Variants in CLVS1 observed in about 807,000 individuals in gnomAD.
CLVS1 encodes the protein clavesin 1.
A neutral mutation model predicts 33.1 loss-of-function variants in CLVS1; 10 were observed. The ratio of observed to expected loss-of-function variants is 0.30; its 90% CI spans 0.19 to 0.51. The LOEUF is 0.51. CLVS1 is among the 20% of genes least tolerant of loss of function. The probability of loss-of-function intolerance (pLI) is 0.97; values close to 1 mark genes in which losing one functional copy is unlikely to be tolerated. For synonymous variants in CLVS1, 163 were observed against 166.1 expected (o/e 0.98, Z 0.14); for missense variants, 343 against 433.4 (o/e 0.79, Z 1.85).
At chr8:61,296,482 T>C (rs947843242) in intron 1 of CLVS1, among the ~76,000 whole-genome samples, 2 of 152,216 alleles carry the variant, frequency 1.3e-5, no homozygotes, top group African/African-American at 4.8e-5. Context: ...GAATAAGTCA[T>C]GCCTGTGCCT....
intron 1 of CLVS1, among the ~76,000 whole-genome samples, chr8:61,086,100 G>A (rs577792422): frequency 7.4e-6 from 1 of 134,364 alleles, no homozygotes; most frequent in Admixed American, 8.1e-5. Flanking sequence ...GGTGGTGTGT[G>A]ACTGTAATCC....
At chr8:61,440,244 A>G (rs1365132123) in intron 3 of CLVS1, among the ~76,000 whole-genome samples, 1 of 152,252 alleles carries the variant, frequency 6.6e-6, no homozygotes, top group Non-Finnish European at 1.5e-5. Context: ...ATATAATAAT[A>G]GAACCTCTAT....
intron 2 of CLVS1, among the ~76,000 whole-genome samples, chr8:61,156,706 G>C (rs759378303): frequency 1.2e-4 from 18 of 152,128 alleles, no homozygotes; most frequent in Non-Finnish European, 2.4e-4. Flanking sequence ...AGTTATATCT[G>C]CCATGGGTTT....
chr8:61,293,541 T>A (rs919519845), intron 1 of CLVS1, among the ~76,000 whole-genome samples: 8 of 152,138 alleles, frequency 5.3e-5, no homozygotes, highest in African/African-American at 1.9e-4. Context: ...TCAAATAGAG[T>A]TACACTTAAA....
At chr8:61,387,406 A>AAAACAC (rs1320222723) in intron 3 of CLVS1, among the ~76,000 whole-genome samples, 1 of 151,968 alleles carries the variant, frequency 6.6e-6, no homozygotes, top group Non-Finnish European at 1.5e-5. Flanking sequence ...AACAAAAACA[A>AAAACAC]AAAAACCCAA....
intron 5 of CLVS1, among the ~76,000 whole-genome samples, chr8:61,474,061 C>G (rs561318088): frequency 1.3e-5 from 2 of 152,208 alleles, no homozygotes; most frequent in African/African-American, 4.8e-5. Context: ...GGAGAACTCT[C>G]AGAGAGAGCT....
intron 2 of CLVS1, among the ~76,000 whole-genome samples, chr8:61,368,708 G>T (rs1813312250): frequency 6.6e-6 from 1 of 152,178 alleles, no homozygotes; most frequent in African/African-American, 2.4e-5. Flanking sequence ...TAATGTAGCT[G>T]GCTCCCTGTC....
At chr8:61,492,243 G>T (rs970530457) in intron 5 of CLVS1, among the ~76,000 whole-genome samples, 2 of 152,170 alleles carry the variant, frequency 1.3e-5, no homozygotes, top group African/African-American at 2.4e-5. Context: ...AGAGAAACAG[G>T]TGAAATTAAT....
chr8:61,191,323 C>T (rs1316240022), intron 2 of CLVS1, among the ~76,000 whole-genome samples: 2 of 152,188 alleles, frequency 1.3e-5, no homozygotes, highest in African/African-American at 4.8e-5. Context: ...CAAAATTCAA[C>T]AGCGCTTCAT....
chr8:61,270,687 T>G (rs1470694625), intron 2 of CLVS1, among the ~76,000 whole-genome samples: 2 of 152,200 alleles, frequency 1.3e-5, no homozygotes, highest in Non-Finnish European at 2.9e-5. Flanking sequence ...TGCCATAATT[T>G]CAGATCCTGT....
chr8:61,336,358 C>T (rs1385403378), intron 2 of CLVS1, among the ~76,000 whole-genome samples: 2 of 152,184 alleles, frequency 1.3e-5, no homozygotes, highest in Admixed American at 6.5e-5. Flanking sequence ...CAAATGTCTT[C>T]TTCCAAATAT....
chr8:61,217,503 C>T (rs894205820), intron 2 of CLVS1, among the ~76,000 whole-genome samples: 1 of 152,110 alleles, frequency 6.6e-6, no homozygotes, highest in Non-Finnish European at 1.5e-5. Flanking sequence ...AATATATTAA[C>T]CTCATGGTTC....
the CLVS1 span, among the ~76,000 whole-genome samples, chr8:61,004,669 G>A: frequency 6.6e-6 from 1 of 152,350 alleles, no homozygotes; most frequent in East Asian, 1.9e-4. Flanking sequence ...ACAGGAAGCT[G>A]GCGACAGGGT....
At chr8:61,447,984 T>G (rs566729742) in intron 3 of CLVS1, among the ~76,000 whole-genome samples, 1 of 152,250 alleles carries the variant, frequency 6.6e-6, no homozygotes, top group East Asian at 1.9e-4. Context: ...CCTGAGAATT[T>G]CTTGATTTCT....
In CLVS1 at chr8:61,093,201, G is replaced by A. The variant is rs561102769; in HGVS notation, c.-243+35971G>A. ...TCTTTATGATGTATACCAATATAAT[G>A]GAAAAAGGACTGACTCAATCAAAAT... is the stretch of plus-strand genomic sequence containing the variant. On this transcript the variant is annotated intron_variant, in intron 1 of 2. Coordinates refer to the CLVS1 transcript ENST00000522621. Among the ~76,000 whole-genome samples the A allele has an allele frequency of 2.6e-5, 4 of 152,104 alleles. No homozygotes were observed. The South Asian group carries it at 6.2e-4, about 24-fold the overall frequency.
chr8:61,054,488 G>C (rs956577353), upstream of CLVS1, among the ~76,000 whole-genome samples: 18 of 152,208 alleles, frequency 1.2e-4, 1 homozygote, highest in Admixed American at 1.2e-3. Context: ...ACCAGGGTAG[G>C]GGAAGCGGTT....
intron 2 of CLVS1, among the ~76,000 whole-genome samples, chr8:61,250,698 T>C (rs1007060729): frequency 6.6e-6 from 1 of 152,228 alleles, no homozygotes; most frequent in Non-Finnish European, 1.5e-5. Flanking sequence ...GGGAATTCAC[T>C]CATGATTTGG....
At chr8:61,448,370 A>G (rs1319189167) in intron 3 of CLVS1, among the ~76,000 whole-genome samples, 1 of 152,054 alleles carries the variant, frequency 6.6e-6, no homozygotes, top group African/African-American at 2.4e-5. Context: ...AAGGACTCCA[A>G]TGACACAAAT....
In CLVS1 at chr8:61,059,477, T is replaced by TACATAC. The variant is rs1478607860; in HGVS notation, c.-243+2248_-243+2249insCATACA. Among the ~76,000 whole-genome samples, 632 of 76,034 alleles carry TACATAC rather than the reference T, an allele frequency of 8.3e-3. 11 individuals are homozygous for TACATAC. Among genetic ancestry groups the TACATAC allele is most frequent in the East Asian group, 0.081 (146 of 1,796 alleles). 49.9% of individuals were successfully genotyped at this position (76,034 alleles called of 152,430 possible). On this transcript the variant is annotated intron_variant, in intron 1 of 2. Transcript: ENST00000522621. ...ACACACATATACATACATACATACATATATATATATATATATATATATACA... is the reference window on the plus strand; with the variant it reads ...ACACACATATACATACATACATACATACATACATATATATATATATATATATATACA...
Sources: allele counts gnomAD v4.1 joint callset (sites outside exome capture counted in the v4.1 genomes callset), GRCh38; gene constraint gnomAD v4.1.1; transcripts MANE v1.5; gene names NCBI Gene and HGNC (gene_info 2026-07-23, HGNC 2026-07-21).